Variants in ENO4 observed in about 807,000 individuals in gnomAD.
ENO4 encodes the protein enolase 4.
A neutral mutation model predicts 63.2 loss-of-function variants in ENO4; 53 were observed. The observed-to-expected ratio is 0.84, with a 90% CI of 0.67 to 1.05. The LOEUF is 1.05. Among genes scored for constraint, ENO4 ranks in the 50% least tolerant of loss-of-function variants. ENO4 has a pLI of 0.00. For missense variants in ENO4, 719 were observed against 772.0 expected (o/e 0.93, Z 0.81); for synonymous variants, 266 against 283.8 (o/e 0.94, Z 0.63).
chr10:116,878,380 A>G (rs1243824847), intron 11 of ENO4, among the ~76,000 whole-genome samples: 8 of 152,148 alleles, frequency 5.3e-5, no homozygotes, highest in Non-Finnish European at 8.8e-5. Flanking sequence ...CAATGCAAAC[A>G]CCGTTGCTGC....
At chr10:116,903,481 C>T (rs1027257182) in intron 10 of ENO4, among the ~76,000 whole-genome samples, 2 of 151,812 alleles carry the variant, frequency 1.3e-5, no homozygotes, top group African/African-American at 2.4e-5. Context: ...GCCGAGATCA[C>T]GCCACTGCAC....
Position 116,876,243 on chromosome 10 carries a change from T to C in ENO4, c.1520T>C (p.Ile507Thr), listed in dbSNP as rs1846830848. The change falls in exon 11 of 14, where the codon ATA (isoleucine) becomes ACA (threonine). Residue 507 changes from isoleucine to threonine, a missense_variant. Around this residue, in one of 3 missense-constraint regions of ENO4, gnomAD observed 168 missense variants for 163.3 expected, o/e 1.03. Transcript: ENST00000341276. Reference sequence around the variant, plus strand: ...ACTACAATGTCTGACTTGGTGGAAATAACCAATCTGATTGACAGTGAGTAA... The same window carrying C: ...ACTACAATGTCTGACTTGGTGGAAACAACCAATCTGATTGACAGTGAGTAA... ...NQTTMSDLVE[I>T]TNLIDSKKHI... 6.5e-7 allele frequency: 1 copy of C among 1,545,440 alleles called. No homozygotes were observed. The highest frequency in any genetic ancestry group is 8.7e-7 in the Non-Finnish European group (1 of 1,145,244).
intron 10 of ENO4, among the ~76,000 whole-genome samples, chr10:116,895,086 C>A (rs1847470089): frequency 6.6e-6 from 1 of 152,104 alleles, no homozygotes. Context: ...AAAGTGGATA[C>A]AATAATAAAA....
chr10:116,901,650 G>C, intron 10 of ENO4: 1 of 1,357,216 alleles, frequency 7.4e-7, no homozygotes, highest in Non-Finnish European at 9.4e-7. Context: ...AAGAAGAAGA[G>C]AATTTACCGG....
Position 116,849,910 on chromosome 10 carries a change from T to TG in ENO4, c.165+180dup, listed in dbSNP as rs373004817. The TG allele has an allele frequency of 8.8e-4, 672 of 762,204 alleles. 5 individuals carry two copies. The African/African-American group carries it at 0.011, about 12-fold the overall frequency. 47.2% of individuals were successfully genotyped at this position (762,204 alleles called of 1,614,324 possible). The stretch of plus-strand genomic sequence containing the variant: ...AAGGAGCGGGAAGGACACCCAGGGG[T>TG]GAAGGGATCTCCCCAGAGAAAGTGG... On this transcript the variant is annotated intron_variant, in intron 1 of 13. Transcript: ENST00000341276.
At chr10:116,886,863 G>A (rs921603284), downstream of ENO4, among the ~76,000 whole-genome samples, 8 of 152,202 alleles carry the variant, frequency 5.3e-5, no homozygotes, top group African/African-American at 1.4e-4. Flanking sequence ...CTCAGGAAGC[G>A]TAAAGCTCAT....
chr10:116,873,157 T>C (rs1846743341), intron 9 of ENO4, among the ~76,000 whole-genome samples: 2 of 152,224 alleles, frequency 1.3e-5, no homozygotes, highest in Non-Finnish European at 2.9e-5. Flanking sequence ...ACTGACAAGA[T>C]AGGGTTTTTT....
intron 8 of ENO4, among the ~76,000 whole-genome samples, chr10:116,870,781 T>A (rs1375231981): frequency 6.6e-6 from 1 of 152,016 alleles, no homozygotes; most frequent in South Asian, 2.1e-4. Flanking sequence ...AGGGTGGACA[T>A]TTACAGGGAG....
chr10:116,874,309 GAGAATAAAATCTCA>G lies in ENO4; in HGVS notation c.1341+109_1341+122del, dbSNP rs1846773698. On this transcript the variant is annotated intron_variant, in intron 10 of 13. Transcript: ENST00000341276. ...CACCTTTTATATTTATAACAAAACA[GAGAATAAAATCTCA>G]TTCTTTTGGATCGTTGTCATTCAAA... is the stretch of plus-strand genomic sequence containing the variant. 4.0e-6 allele frequency: 4 copies of G among 991,540 alleles called. No individual in the cohort carries two copies. The South Asian group carries it at 9.0e-5, about 22-fold the overall frequency. The allele number at this position is 991,540 out of a possible 1,614,324, so 61.4% of individuals were successfully genotyped here. A position where few individuals can be genotyped will look rare whatever the true frequency, so the allele number is the denominator to read the frequency against.
In ENO4 at chr10:116,863,356, TCACA is replaced by T. The variant is rs10646641; in HGVS notation, c.990+532_990+535del. Among the ~76,000 whole-genome samples the T allele has an allele frequency of 1.3e-3, 186 of 147,402 alleles. 2 individuals are homozygous for T. In the South Asian group the frequency reaches 0.028, roughly 22 times the overall value. ...GGACCCAATCCTTGTCTGTGGGGCT[TCACA>T]CACACACACACACACACACACACAC... On this transcript the variant is annotated intron_variant, in intron 7 of 13. Transcript: ENST00000341276.
At chr10:116,876,725 C>T (rs184670478) in intron 11 of ENO4, among the ~76,000 whole-genome samples, 2,554 of 152,078 alleles carry the variant, frequency 0.017, 78 homozygotes, top group African/African-American at 0.059. Context: ...CTGAGGCCGG[C>T]GGATCACGAG....
At chr10:116,872,480 T>C (rs1846724827) in intron 9 of ENO4, among the ~76,000 whole-genome samples, 1 of 152,056 alleles carries the variant, frequency 6.6e-6, no homozygotes, top group Non-Finnish European at 1.5e-5. Flanking sequence ...GATGGTTTTA[T>C]AAAGGGGAGT....
At chr10:116,851,001 A>G (rs1282659661) in intron 1 of ENO4, among the ~76,000 whole-genome samples, 2 of 152,278 alleles carry the variant, frequency 1.3e-5, no homozygotes, top group East Asian at 1.9e-4. Context: ...TCTTCCTACT[A>G]TCTGTTGCTA....
chr10:116,849,578 A>AGGC lies in ENO4; in HGVS notation c.19_21dup (p.Gly7dup). The stretch of plus-strand genomic sequence containing the variant: ...TTAAATCTCCTACCATGGAGGAAGA[A>AGGC]GGCGGCGGCCGCAGCTGTGGGACCA... On this transcript the variant is annotated inframe_insertion, in exon 1 of 14. Coordinates refer to ENST00000341276, the MANE Select transcript of ENO4 (RefSeq NM_001242699.2). 6.5e-7 allele frequency: 1 copy of AGGC among 1,543,684 alleles called. No individual in the cohort carries two copies. The highest frequency in any genetic ancestry group is 8.7e-7 in the Non-Finnish European group (1 of 1,143,846).
At chr10:116,863,181 A>T (rs916954646) in intron 7 of ENO4, among the ~76,000 whole-genome samples, 1 of 152,224 alleles carries the variant, frequency 6.6e-6, no homozygotes, top group Non-Finnish European at 1.5e-5. Flanking sequence ...TTGTGCCTGC[A>T]TTAGGATCCT....
intron 10 of ENO4, among the ~76,000 whole-genome samples, chr10:116,907,108 C>A (rs1466232098): frequency 4.6e-5 from 7 of 152,122 alleles, no homozygotes; most frequent in Non-Finnish European, 1.0e-4. Context: ...ATTAAACTCA[C>A]CTTAGAAGGA....
At chr10:116,863,971 GTCTC>G (rs1171088881) in intron 7 of ENO4, among the ~76,000 whole-genome samples, 1 of 152,180 alleles carries the variant, frequency 6.6e-6, no homozygotes, top group Non-Finnish European at 1.5e-5. Flanking sequence ...CAATTCCATA[GTCTC>G]TCTGCCTCGG....
intron 10 of ENO4, among the ~76,000 whole-genome samples, chr10:116,887,811 A>G (rs1847213741): frequency 6.6e-6 from 1 of 152,166 alleles, no homozygotes; most frequent in African/African-American, 2.4e-5. Flanking sequence ...GGCAAATACT[A>G]ATAAACTGAA....
intron 13 of ENO4, among the ~76,000 whole-genome samples, chr10:116,881,255 C>T (rs571154244): frequency 2.0e-5 from 3 of 152,300 alleles, no homozygotes; most frequent in South Asian, 2.1e-4. Flanking sequence ...TTCCGCTAAG[C>T]CTCTGCCCAA....
Sources: gnomAD v4.1 joint callset for allele counts (sites outside exome capture counted in the v4.1 genomes callset) on GRCh38, gnomAD v4.1.1 for gene constraint, gnomAD v4.1.1 regional missense constraint, MANE v1.5 for transcripts, NCBI Gene and HGNC (gene_info 2026-07-23, HGNC 2026-07-21) for gene names.